DLG2: variants seen among roughly 807,000 people sequenced by gnomAD.
DLG2 encodes disks large homolog 2.
In DLG2, 45 loss-of-function variants were observed where a neutral mutation model predicts 132.5. That is an observed-to-expected ratio of 0.34 (90% confidence interval 0.27 to 0.44). The LOEUF (loss-of-function observed/expected upper bound fraction) is 0.44, where lower values mean the gene tolerates loss of function less well. DLG2 is among the 20% of genes least tolerant of loss of function. The probability of loss-of-function intolerance (pLI) is 1.00; values close to 1 mark genes in which losing one functional copy is unlikely to be tolerated. For synonymous variants in DLG2, 424 were observed against 419.6 expected (o/e 1.01, Z -0.13); for missense variants, 1,045 against 1,196.9 (o/e 0.87, Z 1.87).
At chr11:84,334,164 G>A (rs1180857853) in intron 7 of DLG2, among the ~76,000 whole-genome samples, 1 of 152,176 alleles carries the variant, frequency 6.6e-6, no homozygotes, top group Non-Finnish European at 1.5e-5. Flanking sequence ...TTTTATAAGA[G>A]TATGCCAATC....
At position 84,628,115 on chromosome 11, in the gene DLG2, T is replaced by TATATATACACACATATAG. The variant is rs1191660525; in HGVS notation, c.358-93385_358-93384insCTATATGTGTGTATATAT. Among the ~76,000 whole-genome samples, 265 of 151,922 alleles carry TATATATACACACATATAG rather than the reference T, an allele frequency of 1.7e-3. 3 individuals are homozygous for TATATATACACACATATAG. The highest frequency in any genetic ancestry group is 7.7e-4 in the East Asian group (4 of 5,172). On this transcript the variant is annotated intron_variant, in intron 6 of 27. Coordinates refer to ENST00000376104, the MANE Select transcript of DLG2 (RefSeq NM_001142699.3). ...ACACACATATATACACACATATATA[T>TATATATACACACATATAG]ATATATATACACACATATAGATATA...
At chr11:84,308,643 G>A (rs1013711883) in intron 7 of DLG2, among the ~76,000 whole-genome samples, 3 of 152,176 alleles carry the variant, frequency 2.0e-5, no homozygotes, top group Non-Finnish European at 2.9e-5. Flanking sequence ...AGGAGCTCAC[G>A]GAGTGGGGGA....
intron 4 of DLG2, among the ~76,000 whole-genome samples, chr11:85,176,929 A>G (rs1242315500): frequency 6.6e-6 from 1 of 152,124 alleles, no homozygotes; most frequent in Non-Finnish European, 1.5e-5. Context: ...TGCCAGTCAG[A>G]ATGGCGATTA....
intron 6 of DLG2, among the ~76,000 whole-genome samples, chr11:84,656,739 T>C (rs2099688793): frequency 6.6e-6 from 1 of 152,062 alleles, no homozygotes; most frequent in Admixed American, 6.6e-5. Context: ...CTCTAAATAA[T>C]TAGAACCCTG....
intron 3 of DLG2, among the ~76,000 whole-genome samples, chr11:85,548,460 C>A (rs531238942): frequency 2.0e-5 from 3 of 152,196 alleles, no homozygotes; most frequent in African/African-American, 7.2e-5. Flanking sequence ...TCAGGATACA[C>A]GGGGGTCAGG....
At chr11:83,864,716 G>A (rs116631720) in intron 16 of DLG2, among the ~76,000 whole-genome samples, 63 of 152,216 alleles carry the variant, frequency 4.1e-4, no homozygotes, top group African/African-American at 1.4e-3. Context: ...GGATACAGAC[G>A]TGCTCTTTCT....
At chr11:84,736,532 T>C (rs984905169) in intron 6 of DLG2, among the ~76,000 whole-genome samples, 2 of 152,000 alleles carry the variant, frequency 1.3e-5, no homozygotes, top group Admixed American at 1.3e-4. Context: ...AGTATCTGTC[T>C]ACTTTTAAGG....
intron 6 of DLG2, among the ~76,000 whole-genome samples, chr11:85,009,622 C>A (rs78553410): frequency 6.6e-6 from 1 of 152,144 alleles, no homozygotes; most frequent in East Asian, 1.9e-4. Context: ...TTCTTAACAA[C>A]ACAGAACTAT....
chr11:83,891,544 A>G (rs1261337557), intron 15 of DLG2, among the ~76,000 whole-genome samples: 1 of 152,188 alleles, frequency 6.6e-6, no homozygotes, highest in African/African-American at 2.4e-5. Flanking sequence ...CAGGTTTATA[A>G]AACAGCTGGA....
chr11:84,448,883 AT>A (rs2099043432), intron 7 of DLG2, among the ~76,000 whole-genome samples: 1 of 152,002 alleles, frequency 6.6e-6, no homozygotes, highest in Admixed American at 6.6e-5. Flanking sequence ...CTTTTGAATA[AT>A]TTAATAGTTG....
At position 85,020,988 on chromosome 11, in the gene DLG2, T is replaced by C. The variant is rs2060015231; in HGVS notation, c.357+90673A>G. ...CTTCACGGAGCTGCTGCTCTGCTCC[T>C]CTTCTGACTTATTATTCATATCTAC... On this transcript the variant is annotated intron_variant, in intron 6 of 27. Coordinates refer to ENST00000376104, the MANE Select transcript of DLG2 (RefSeq NM_001142699.3). 5 of 778,912 alleles carry C rather than the reference T, an allele frequency of 6.4e-6. No individual in the cohort carries two copies. The Admixed American group carries it at 8.5e-5, about 13-fold the overall frequency. 48.3% of individuals were successfully genotyped at this position (778,912 alleles called of 1,614,324 possible). A position where few individuals can be genotyped will look rare whatever the true frequency, so the allele number is the denominator to read the frequency against.
At chr11:85,034,253 T>G (rs1450296523) in intron 6 of DLG2, among the ~76,000 whole-genome samples, 1 of 152,060 alleles carries the variant, frequency 6.6e-6, no homozygotes, top group Admixed American at 6.6e-5. Context: ...AATTTTTTTG[T>G]ATTTTTAGTA....
rs150505728 is a variant in DLG2 at position 85,596,375 on chromosome 11, G to A, written c.40+2282C>T. On this transcript the variant is annotated intron_variant, in intron 3 of 27. Coordinates refer to ENST00000376104, the MANE Select transcript of DLG2 (RefSeq NM_001142699.3). ...TGCACTCCAGCCTGAGCGACAGAGC[G>A]AGACTCCATCTCAAAAATAAATAAA... 1.2e-3 allele frequency among the ~76,000 whole-genome samples: 185 copies of A among 152,246 alleles called. 3 individuals are homozygous for A. The East Asian group carries it at 0.034, about 28-fold the overall frequency.
At chr11:84,862,988 T>C (rs1447340814) in intron 6 of DLG2, among the ~76,000 whole-genome samples, 2 of 151,956 alleles carry the variant, frequency 1.3e-5, no homozygotes, top group African/African-American at 4.8e-5. Context: ...AAAAGAGATA[T>C]TAGTTCCGTC....
chr11:84,462,751 T>G (rs552087624), intron 7 of DLG2, among the ~76,000 whole-genome samples: 2 of 151,080 alleles, frequency 1.3e-5, no homozygotes, highest in South Asian at 4.2e-4. Context: ...ATACAAAAAT[T>G]CAATAACATG....
intron 5 of DLG2, among the ~76,000 whole-genome samples, chr11:85,144,951 G>A (rs1218187133): frequency 6.6e-6 from 1 of 152,038 alleles, no homozygotes. Flanking sequence ...GTTTGTTAAT[G>A]TCCTTTTCTT....
chr11:85,455,672 G>C (rs943819845), intron 3 of DLG2, among the ~76,000 whole-genome samples: 1 of 152,120 alleles, frequency 6.6e-6, no homozygotes, highest in Non-Finnish European at 1.5e-5. Flanking sequence ...GTCACAGATG[G>C]CTCTTATTAT....
At chr11:84,323,720 C>CT (rs35283044) in intron 7 of DLG2, among the ~76,000 whole-genome samples, 2,124 of 123,770 alleles carry the variant, frequency 0.017, 25 homozygotes, top group South Asian at 0.031. Flanking sequence ...TTCTTTTTTC[C>CT]TTTTTTTTTT....
intron 7 of DLG2, among the ~76,000 whole-genome samples, chr11:84,281,325 T>TA (rs1453734024): frequency 4.6e-5 from 7 of 152,108 alleles, no homozygotes; most frequent in African/African-American, 1.7e-4. Context: ...TTCTGTTCTT[T>TA]AAAAAATATT....
Sources: allele counts gnomAD v4.1 joint callset (sites outside exome capture counted in the v4.1 genomes callset), GRCh38; gene constraint gnomAD v4.1.1; transcripts MANE v1.5; gene names NCBI Gene and HGNC (gene_info 2026-07-23, HGNC 2026-07-21).